The following KHDC3L variants were observed in gnomAD, a reference collection of about 807,000 sequenced individuals.
KHDC3L encodes KH domain containing 3 like, subcortical maternal complex member.
Under a neutral mutation model 11.4 loss-of-function variants are expected in KHDC3L, and 6 were observed. The ratio of observed to expected loss-of-function variants is 0.52; its 90% CI spans 0.29 to 1.03. KHDC3L has a LOEUF of 1.03. Ranked by LOEUF, KHDC3L falls within the 50% of genes least tolerant of loss-of-function variation. The probability of loss-of-function intolerance (pLI) is 0.09; values close to 1 mark genes in which losing one functional copy is unlikely to be tolerated. For synonymous variants in KHDC3L, 127 were observed against 120.9 expected (o/e 1.05, Z -0.33); for missense variants, 293 against 290.4 (o/e 1.01, Z -0.07).
intron 2 of KHDC3L, 129 bp from the exon 3 acceptor site, chr6:73,363,427 A>T (rs950862091): frequency 4.3e-5 from 61 of 1,430,020 alleles, no homozygotes; most frequent in Non-Finnish European, 5.8e-5. Context: ...CCACGGATCC[A>T]GAAGGCCAAA....
rs923961619 is a variant in KHDC3L, at chr6:73,364,059, A to T, written c.*199A>T. On this transcript the variant is annotated 3_prime_UTR_variant, in exon 3 of 3. Transcript: ENST00000370367. ...CCCCCGCCTCCCCCCCGCCTCACTT[A>T]AGTCCAGGAAGCTGGGGTGGCGAGG... The T allele has an allele frequency of 7.9e-6, 5 of 633,396 alleles. No individual in the cohort carries two copies. The highest frequency in any genetic ancestry group is 2.6e-5 in the Admixed American group (1 of 38,226). The allele number at this position is 633,396 out of a possible 1,614,324, so 39.2% of individuals were successfully genotyped here.
Position 73,363,624 on chromosome 6 carries a change from G to C in KHDC3L, c.418G>C (p.Val140Leu), listed in dbSNP as rs561595924. 1.2e-6 allele frequency: 2 copies of C among 1,613,124 alleles called. No homozygotes were observed. Among genetic ancestry groups the C allele is most frequent in the East Asian group, 4.5e-5 (2 of 44,868 alleles). ...CGAGACCCAGCGGTCTTCAATAGAA[G>C]TCCGGGAGGCCGGGACGCAGCGTTC... ...KAETQRSSIE[V>L]REAGTQRSVE... The change falls in exon 3 of 3, where the codon GTC (valine) becomes CTC (leucine). Residue 140 changes from valine to leucine, a missense_variant. Physicochemically the swap from Val to Leu is conservative, Grantham distance 32 (BLOSUM62 1). Transcript: ENST00000370367.
In KHDC3L at chr6:73,362,717, G is replaced by C; in HGVS notation, c.-13G>C. 1 of 1,613,852 alleles carries C rather than the reference G, an allele frequency of 6.2e-7. No homozygotes were observed. The highest frequency in any genetic ancestry group is 2.2e-5 in the East Asian group (1 of 44,874). Reference sequence around the variant, plus strand: ...GCTGTGGTGTCCTTGTCTCCTGCAGGACCGGCCGCAGCATGGACGCTCCCA... The same window carrying C: ...GCTGTGGTGTCCTTGTCTCCTGCAGCACCGGCCGCAGCATGGACGCTCCCA... On this transcript the variant is annotated 5_prime_UTR_variant, in exon 1 of 3. Coordinates refer to ENST00000370367, the MANE Select transcript of KHDC3L (RefSeq NM_001017361.3).
rs763895578 is a variant in KHDC3L at position 73,362,739 on chromosome 6, C to A, written c.10C>A (p.Pro4Thr). The A allele has an allele frequency of 3.7e-6, 6 of 1,614,186 alleles. No individual in the cohort carries two copies. Among genetic ancestry groups the A allele is most frequent in the Non-Finnish European group, 5.1e-6 (6 of 1,180,028 alleles). Residue 4 changes from proline to threonine, a missense_variant, in exon 1 of 3, where the codon CCC (proline) becomes ACC (threonine). Transcript: ENST00000370367. Reference protein sequence around the residue: MDAPRRFPTLVQLM... With the variant: MDATRRFPTLVQLM... ...CAGGACCGGCCGCAGCATGGACGCTCCCAGGCGGTTTCCGACGCTCGTGCA... is the reference window on the plus strand; with the variant it reads ...CAGGACCGGCCGCAGCATGGACGCTACCAGGCGGTTTCCGACGCTCGTGCA...
chr6:73,363,929 G>T lies in KHDC3L; in HGVS notation c.*69G>T. The T allele has an allele frequency of 6.6e-7, 1 of 1,525,900 alleles. No individual in the cohort carries two copies. Among genetic ancestry groups the T allele is most frequent in the Non-Finnish European group, 9.0e-7 (1 of 1,115,732 alleles). The allele number at this position is 1,525,900 out of a possible 1,614,324, so 94.5% of individuals were successfully genotyped here. On this transcript the variant is annotated 3_prime_UTR_variant, in exon 3 of 3. Coordinates refer to ENST00000370367, the MANE Select transcript of KHDC3L (RefSeq NM_001017361.3). Reference sequence around the variant, plus strand: ...TGAAAGCCCGTATTTCCGCCCAGAAGCTGGGGTTGGGGAGAGGATGTGGAT... The same window carrying T: ...TGAAAGCCCGTATTTCCGCCCAGAATCTGGGGTTGGGGAGAGGATGTGGAT...
chr6:73,362,956 C>T, intron 1 of KHDC3L, 58 bp downstream of exon 1: 9 of 1,610,176 alleles, frequency 5.6e-6, no homozygotes, highest in South Asian at 1.1e-5. Flanking sequence ...CCCATACCCA[C>T]AGCCCACATA....
Position 73,363,771 on chromosome 6 carries a change from T to C in KHDC3L, c.565T>C (p.Ser189Pro), listed in dbSNP as rs1768913337. The part of the protein sequence containing the change: ...TQQSLQAANK[S>P]GTQRSPEAAS... ...GCAGTCTCTCCAGGCTGCCAACAAG[T>C]CGGGGACCCAGCGATCCCCCGAAGC... is the stretch of plus-strand genomic sequence containing the variant. The change falls in exon 3 of 3, where the codon TCG becomes CCG. Residue 189 changes from serine (S) to proline (P), a missense_variant. Coordinates refer to ENST00000370367, the MANE Select transcript of KHDC3L (RefSeq NM_001017361.3). 1 of 1,612,584 alleles carries C rather than the reference T, an allele frequency of 6.2e-7. No individual in the cohort carries two copies. Among genetic ancestry groups the C allele is most frequent in the Non-Finnish European group, 8.5e-7 (1 of 1,179,620 alleles).
In KHDC3L at chr6:73,363,546, C is replaced by A; in HGVS notation, c.350-10C>A. On this transcript the variant is annotated splice_polypyrimidine_tract_variant and intron_variant, in intron 2 of 2. Coordinates refer to ENST00000370367, the MANE Select transcript of KHDC3L (RefSeq NM_001017361.3). Reference sequence around the variant, plus strand: ...ACAGCTGTGGCCTCTGCACACTGCTCTTCTTCCAGGCTCAGGAAAGGCCCT... The same window carrying A: ...ACAGCTGTGGCCTCTGCACACTGCTATTCTTCCAGGCTCAGGAAAGGCCCT... The A allele has an allele frequency of 6.2e-7, 1 of 1,605,398 alleles. No homozygotes were observed.
chr6:73,363,346 T>G, intron 2 of KHDC3L, 72 bp downstream of exon 2: 1 of 1,578,490 alleles, frequency 6.3e-7, no homozygotes, highest in Non-Finnish European at 8.7e-7. Flanking sequence ...GTTTCCTGGC[T>G]GCTGGGGCGG....
intron 2 of KHDC3L, 24 bp from the exon 3 acceptor site, chr6:73,363,532 C>T: frequency 2.5e-6 from 4 of 1,601,540 alleles, no homozygotes; most frequent in Non-Finnish European, 3.4e-6. Context: ...CAGCTGTGGC[C>T]TCTGCACACT....
rs549596218 is a variant in KHDC3L at position 73,363,020 on chromosome 6, C to T, written c.170-75C>T. 14 of 1,599,680 alleles carry T rather than the reference C, an allele frequency of 8.8e-6. No individual in the cohort carries two copies. In the African/African-American group the frequency reaches 1.9e-4, roughly 21 times the overall value. ...CCAGTAGCCAATGCCCTCTGGCTGT[C>T]TCCTCCTTCCACCTTCCCCTCCCAA... On this transcript the variant is annotated intron_variant, in intron 1 of 2. Transcript: ENST00000370367.
chr6:73,364,106 T>G lies in KHDC3L; in HGVS notation c.*246T>G. The G allele has an allele frequency of 1.7e-6, 1 of 583,812 alleles. No individual in the cohort carries two copies. The highest frequency in any genetic ancestry group is 2.0e-5 in the South Asian group (1 of 49,960). 36.2% of individuals were successfully genotyped at this position (583,812 alleles called of 1,614,324 possible). A position where few individuals can be genotyped will look rare whatever the true frequency, so the allele number is the denominator to read the frequency against. On this transcript the variant is annotated 3_prime_UTR_variant, in exon 3 of 3. Transcript: ENST00000370367. ...GAGGAAGGATGATGTGGATTGTTTT[T>G]GTTTTACACCTTCTGTTGAATGGTT...
chr6:73,362,957 AG>A lies in KHDC3L; in HGVS notation c.169+60del. ...GCTTCTTTCTGCCACCCATACCCAC[AG>A]CCCACATATTCTGGCTGCGTTCCAG... On this transcript the variant is annotated intron_variant, in intron 1 of 2. Coordinates refer to ENST00000370367, the MANE Select transcript of KHDC3L (RefSeq NM_001017361.3). 1.5e-5 allele frequency: 24 copies of A among 1,610,524 alleles called. No individual in the cohort carries two copies. The South Asian group carries it at 2.6e-4, about 18-fold the overall frequency.
Position 73,363,109 on chromosome 6 carries a change from C to T in KHDC3L, c.184C>T (p.Arg62Cys), listed in dbSNP as rs754239047. The change falls in exon 2 of 3, where the codon CGC (arginine) becomes TGC (cysteine). Residue 62 changes from arginine to cysteine, a missense_variant. Arg to Cys is a radical substitution (Grantham distance 180). Transcript: ENST00000370367. ...TACCCGCGCAGGCCGGGGCGGAGAA[C>T]GCATCCCGCACGTCCAGGGTATGTC... ...VEKIFGRGGE[R>C]IPHVQGMSQI... 2.5e-6 allele frequency: 4 copies of T among 1,613,936 alleles called. No individual in the cohort carries two copies. Among genetic ancestry groups the T allele is most frequent in the Middle Eastern group, 1.7e-4 (1 of 6,016 alleles).
At chr6:73,363,044 A>G (rs775593039) in intron 1 of KHDC3L, 51 bp from the exon 2 acceptor site, 1 of 1,610,472 alleles carries the variant, frequency 6.2e-7, no homozygotes, top group African/African-American at 1.3e-5. Flanking sequence ...TTCCCCTCCC[A>G]AGACCCCCGG....
Position 73,363,821 on chromosome 6 carries a change from G to T in KHDC3L, c.615G>T (p.Arg205=). ...PEAASKAVTQ[R]FREDARDPVT... ...CTGCCAGCAAGGCAGTGACCCAGCG[G>T]TTTCGCGAGGATGCCCGGGACCCAG... Residue 205 remains arginine, a synonymous_variant, in exon 3 of 3, where the codon CGG becomes CGT. Transcript: ENST00000370367. 1.9e-6 allele frequency: 3 copies of T among 1,611,176 alleles called. No individual in the cohort carries two copies. Among genetic ancestry groups the T allele is most frequent in the Non-Finnish European group, 2.5e-6 (3 of 1,179,662 alleles).
Position 73,362,775 on chromosome 6 carries a change from C to A in KHDC3L, c.46C>A (p.Pro16Thr). The A allele has an allele frequency of 6.8e-6, 11 of 1,614,212 alleles. No homozygotes were observed. The highest frequency in any genetic ancestry group is 9.3e-6 in the Non-Finnish European group (11 of 1,180,032). The change falls in exon 1 of 3, where the codon CCA (proline) becomes ACA (threonine). Residue 16 changes from proline (P) to threonine (T), a missense_variant. Transcript: ENST00000370367. ...TCCGACGCTCGTGCAACTGATGCAG[C>A]CAAAAGCAATGCCAGTGGAGGTGCT... ...RFPTLVQLMQ[P>T]KAMPVEVLGH... is the part of the protein sequence containing the mutation.
rs1768918865 is a variant in KHDC3L, at chr6:73,364,015, T to C, written c.*155T>C. 4.8e-6 allele frequency: 4 copies of C among 825,092 alleles called. No individual in the cohort carries two copies. The highest frequency in any genetic ancestry group is 2.1e-5 in the Admixed American group (1 of 47,150). 51.1% of individuals were successfully genotyped at this position (825,092 alleles called of 1,614,324 possible). A position where few individuals can be genotyped will look rare whatever the true frequency, so the allele number is the denominator to read the frequency against. ...CACAAACTTGAGTTCTAATAAAGAA[T>C]TGCAAAGTGGAAGCCCGCCCCCCGC... On this transcript the variant is annotated 3_prime_UTR_variant, in exon 3 of 3. Coordinates refer to ENST00000370367, the MANE Select transcript of KHDC3L (RefSeq NM_001017361.3).
Position 73,362,918 on chromosome 6 carries a change from G to T in KHDC3L, c.169+20G>T, listed in dbSNP as rs547174523. On this transcript the variant is annotated intron_variant, in intron 1 of 2. Coordinates refer to ENST00000370367, the MANE Select transcript of KHDC3L (RefSeq NM_001017361.3). Reference sequence around the variant, plus strand: ...TCTTCGGTGAGTGGACCAAGAAGGGGCAGCCCCCATGCGGCTTCTTTCTGC... The same window carrying T: ...TCTTCGGTGAGTGGACCAAGAAGGGTCAGCCCCCATGCGGCTTCTTTCTGC... 1,387 of 1,614,070 alleles carry T rather than the reference G, an allele frequency of 8.6e-4. 17 individuals are homozygous for T. In the South Asian group the frequency reaches 0.014, roughly 17 times the overall value.
Sources: allele counts gnomAD v4.1 joint callset, GRCh38; gene constraint gnomAD v4.1.1; transcripts MANE v1.5; gene names NCBI Gene and HGNC (gene_info 2026-07-23, HGNC 2026-07-21).